CDH13: variants seen among roughly 807,000 people sequenced by gnomAD.
The protein encoded by CDH13 is cadherin-13.
CDH13 carries 24 observed loss-of-function variants against 63.8 expected under a neutral mutation model. The observed-to-expected ratio is 0.38, with a 90% CI of 0.27 to 0.53. The LOEUF (loss-of-function observed/expected upper bound fraction) is 0.53, where lower values mean the gene tolerates loss of function less well. Ranked by LOEUF, CDH13 falls within the 20% of genes least tolerant of loss-of-function variation. The pLI is 0.85. For missense variants in CDH13, 1,049 were observed against 903.1 expected, an observed-to-expected ratio of 1.16 and a Z score of -2.07; for synonymous variants, 503 against 355.3, an observed-to-expected ratio of 1.42 and a Z score of -4.67.
intron 2 of CDH13, among the ~76,000 whole-genome samples, chr16:82,956,769 AG>A (rs1166416370): frequency 1.4e-4 from 22 of 152,204 alleles, no homozygotes; most frequent in African/African-American, 5.3e-4. Flanking sequence ...GCATAAGATG[AG>A]CTTTGAAAAG....
chr16:83,702,764 G>A (rs1428023765), intron 10 of CDH13, among the ~76,000 whole-genome samples: 1 of 152,196 alleles, frequency 6.6e-6, no homozygotes, highest in Non-Finnish European at 1.5e-5. Context: ...GGCACTGTGG[G>A]GAGGGGCTTT....
intron 7 of CDH13, among the ~76,000 whole-genome samples, chr16:83,487,648 C>T (rs1201994208): frequency 2.0e-5 from 3 of 152,190 alleles, no homozygotes; most frequent in Non-Finnish European, 4.4e-5. Context: ...CCACCCTAAA[C>T]CTGCTACCAT....
chr16:83,278,524 G>A (rs1367064265), intron 5 of CDH13, among the ~76,000 whole-genome samples: 6 of 152,184 alleles, frequency 3.9e-5, no homozygotes, highest in Admixed American at 2.0e-4. Flanking sequence ...TTGAGTTGAA[G>A]CTATCAACCC....
chr16:83,739,200 C>T (rs9924940), intron 10 of CDH13, among the ~76,000 whole-genome samples: 33,818 of 151,898 alleles, frequency 0.22, 4,151 homozygotes, highest in East Asian at 0.55. Flanking sequence ...TCTGTTTTCC[C>T]CCTGGGAGTC....
At chr16:83,244,251 C>A (rs979458537) in intron 5 of CDH13, among the ~76,000 whole-genome samples, 1 of 151,970 alleles carries the variant, frequency 6.6e-6, no homozygotes, top group Non-Finnish European at 1.5e-5. Context: ...TTTAAATGGG[C>A]TTTACTGTGT....
At chr16:82,896,466 GT>G (rs1193607213) in intron 2 of CDH13, among the ~76,000 whole-genome samples, 10 of 151,112 alleles carry the variant, frequency 6.6e-5, no homozygotes, top group African/African-American at 2.4e-4. Context: ...GGTAATTTTT[GT>G]ATTTTTTTTT....
At chr16:83,428,083 A>G (rs2071969213) in intron 6 of CDH13, among the ~76,000 whole-genome samples, 1 of 152,192 alleles carries the variant, frequency 6.6e-6, no homozygotes, top group Admixed American at 6.5e-5. Flanking sequence ...AGGGTCATTT[A>G]TGTTCATAAG....
intron 4 of CDH13, among the ~76,000 whole-genome samples, chr16:83,189,905 T>G (rs2038643851): frequency 1.3e-5 from 2 of 151,978 alleles, no homozygotes. Context: ...GTAAGTCTCA[T>G]GAGATCTGAT....
chr16:83,507,892 C>T (rs184413106), intron 7 of CDH13, among the ~76,000 whole-genome samples: 76 of 151,376 alleles, frequency 5.0e-4, no homozygotes, highest in Non-Finnish European at 8.5e-4. Flanking sequence ...ATTAGCAGTC[C>T]GTGGTGGCGG....
chr16:83,349,763 G>C (rs747502255), intron 6 of CDH13, among the ~76,000 whole-genome samples: 16 of 152,018 alleles, frequency 1.1e-4, no homozygotes, highest in Non-Finnish European at 2.1e-4. Context: ...ACCACGCCCA[G>C]CTAATTTTTG....
intron 1 of CDH13, among the ~76,000 whole-genome samples, chr16:82,640,624 A>G (rs376710921): frequency 6.6e-6 from 1 of 152,208 alleles, no homozygotes; most frequent in Admixed American, 6.5e-5. Context: ...AATCTAAACC[A>G]GTAGCTGCCT....
intron 2 of CDH13, among the ~76,000 whole-genome samples, chr16:82,872,326 C>A (rs968529729): frequency 6.6e-6 from 1 of 152,186 alleles, no homozygotes; most frequent in African/African-American, 2.4e-5. Flanking sequence ...TGCCATATGG[C>A]CTCACTCTTC....
intron 2 of CDH13, chr16:82,953,645 T>C (rs1420061045): frequency 1.3e-5 from 2 of 152,166 alleles, no homozygotes; most frequent in African/African-American, 4.8e-5. Context: ...TATTACTTAA[T>C]CTGTGCAGTT....
At chr16:82,968,640 C>T (rs1301267018) in intron 2 of CDH13, among the ~76,000 whole-genome samples, 1 of 152,146 alleles carries the variant, frequency 6.6e-6, no homozygotes, top group Non-Finnish European at 1.5e-5. Context: ...ATCTCTCCTT[C>T]TGTGAAGCCA....
At chr16:82,932,806 G>A (rs1567673133) in intron 2 of CDH13, among the ~76,000 whole-genome samples, 3 of 152,136 alleles carry the variant, frequency 2.0e-5, no homozygotes, top group Admixed American at 6.5e-5. Context: ...GTGGCCTAAA[G>A]TGTGAACGAT....
chr16:82,928,444 A>G (rs2042375157), intron 2 of CDH13, among the ~76,000 whole-genome samples: 1 of 152,214 alleles, frequency 6.6e-6, no homozygotes, highest in African/African-American at 2.4e-5. Flanking sequence ...TAACTGTCAC[A>G]CAGATTTATA....
chr16:83,677,447 C>A (rs563116600), intron 9 of CDH13, among the ~76,000 whole-genome samples: 5 of 152,152 alleles, frequency 3.3e-5, no homozygotes, highest in Admixed American at 2.0e-4. Flanking sequence ...GTCCCCCGCC[C>A]GGCAAATGGT....
intron 2 of CDH13, among the ~76,000 whole-genome samples, chr16:82,863,479 C>T (rs1484138754): frequency 4.0e-5 from 6 of 149,210 alleles, no homozygotes; most frequent in Non-Finnish European, 5.9e-5. Context: ...TTCAAATGTG[C>T]ACACAGTCAT....
At position 83,047,806 on chromosome 16, in the gene CDH13, T is replaced by C. The variant is rs1917938938; in HGVS notation, c.366+15588T>C. 1.3e-5 allele frequency among the ~76,000 whole-genome samples: 2 copies of C among 152,230 alleles called. No individual in the cohort carries two copies. The highest frequency in any genetic ancestry group is 1.3e-4 in the Admixed American group (2 of 15,282). The stretch of plus-strand genomic sequence containing the variant: ...ACGTTGTGCGGGGCACCACTTTAAG[T>C]GCATTTCTTACATTAAGTCATATAA... On this transcript the variant is annotated intron_variant, in intron 3 of 13. Coordinates refer to ENST00000567109, the MANE Select transcript of CDH13 (RefSeq NM_001257.5). The surrounding 1 kb of genome is among the most constrained non-coding windows in gnomAD (Gnocchi z 4.9).
Sources: allele counts gnomAD v4.1 joint callset (sites outside exome capture counted in the v4.1 genomes callset), GRCh38; gene constraint gnomAD v4.1.1; non-coding constraint Gnocchi (gnomAD v3.1); transcripts MANE v1.5; gene names NCBI Gene and HGNC (gene_info 2026-07-23, HGNC 2026-07-21).